PKD1: variants seen among roughly 807,000 people sequenced by gnomAD.
PKD1 encodes polycystin 1, transient receptor potential channel interacting, also known as polycystin-1.
A neutral mutation model predicts 361.7 loss-of-function variants in PKD1; 81 were observed. The observed-to-expected ratio is 0.22, with a 90% CI of 0.19 to 0.27. The LOEUF is 0.27. PKD1 is among the 10% of genes least tolerant of loss of function. PKD1 has a pLI of 1.00. For synonymous variants in PKD1, 3,615 were observed against 2,818.3 expected (o/e 1.28, Z -8.95); for missense variants, 6,399 against 6,118.3 (o/e 1.05, Z -1.53).
At chr16:2,115,737 C>T in intron 9 of PKD1, 112 bp from the exon 10 acceptor site, 1 of 1,115,548 alleles carries the variant, frequency 9.0e-7, no homozygotes, top group Non-Finnish European at 1.3e-6. Flanking sequence ...GGTCTCCCCA[C>T]CTGGGCAGCA....
rs200796474 is a variant in PKD1 at position 2,090,773 on chromosome 16, G to A, written c.12039C>T (p.Ser4013=). ...CTCGGCATAATGTCTTGCCAAAGAC[G>A]GACCACTGGCGCACGAAGCGTAGCT... ...AQQLRFVRQW[S]VFGKTLCRAL... Residue 4013 remains serine, a synonymous_variant, in exon 44 of 46, where the codon TCC becomes TCT. Coordinates refer to ENST00000262304, the MANE Select transcript of PKD1 (RefSeq NM_001009944.3). 2.4e-5 allele frequency: 39 copies of A among 1,612,458 alleles called. No individual in the cohort carries two copies. Among genetic ancestry groups the A allele is most frequent in the Admixed American group, 1.0e-4 (6 of 60,008 alleles).
chr16:2,090,076 G>A lies in PKD1; in HGVS notation c.12563C>T (p.Ser4188Phe), dbSNP rs1193489771. The change falls in exon 46 of 46, where the codon TCC becomes TTC. Residue 4188 changes from serine (S) to phenylalanine (F), a missense_variant. Transcript: ENST00000262304. ...PSAGSDASHP[S>F]TSSSQLDGLS... Reference sequence around the variant, plus strand: ...CCCATCCAGCTGGCTGGAGGAGGTGGAGGGGTGCGAGGCATCGGAGCCAGC... The same window carrying A: ...CCCATCCAGCTGGCTGGAGGAGGTGAAGGGGTGCGAGGCATCGGAGCCAGC... 2.1e-5 allele frequency: 34 copies of A among 1,609,888 alleles called. No homozygotes were observed. The East Asian group carries it at 6.7e-4, about 32-fold the overall frequency.
rs886038370 is a variant in PKD1, at chr16:2,108,948, G to A, written c.6219C>T (p.Thr2073=). ...CGGCCTCAAACTGCGCCGAGCGGTT[G>A]GTGAAGCAGGGGCCGCTCTGCAGGG... ...YVALQSGPCF[T]NRSAQFEAAT... The change falls in exon 15 of 46, where the codon ACC becomes ACT. Residue 2073 remains threonine (T), a synonymous_variant. Coordinates refer to ENST00000262304, the MANE Select transcript of PKD1 (RefSeq NM_001009944.3). The A allele has an allele frequency of 3.1e-6, 5 of 1,606,912 alleles. No individual in the cohort carries two copies. Among genetic ancestry groups the A allele is most frequent in the Non-Finnish European group, 4.2e-6 (5 of 1,178,116 alleles).
rs1164692252 is a variant in PKD1, at chr16:2,109,179, C to T, written c.5988G>A (p.Val1996=). 3 of 1,598,930 alleles carry T rather than the reference C, an allele frequency of 1.9e-6. No homozygotes were observed. Among genetic ancestry groups the T allele is most frequent in the Non-Finnish European group, 2.6e-6 (3 of 1,172,070 alleles). The stretch of plus-strand genomic sequence containing the variant: ...CGTAGGCGACCCGAGAGCCGCGCTG[C>T]ACGCGGGCTGTGAAGTTCCTCTCAG... ...TGTERNFTAR[V]QRGSRVAYAW... Residue 1996 remains valine, a synonymous_variant, in exon 15 of 46, where the codon GTG becomes GTA. Coordinates refer to ENST00000262304, the MANE Select transcript of PKD1 (RefSeq NM_001009944.3).
intron 1 of PKD1, among the ~76,000 whole-genome samples, chr16:2,133,796 C>T (rs1279204865): frequency 6.6e-6 from 1 of 151,456 alleles, no homozygotes; most frequent in East Asian, 1.9e-4. Context: ...CTTGCCAGCT[C>T]AGGCTGGGAC....
intron 1 of PKD1, chr16:2,119,897 G>A (rs1162533640): frequency 8.6e-6 from 6 of 700,474 alleles, no homozygotes; most frequent in Admixed American, 2.0e-5. Context: ...GCGCCACCTC[G>A]AGGCATAAAC....
Position 2,089,602 on chromosome 16 carries a change from C to T in PKD1, c.*125G>A. The T allele has an allele frequency of 2.5e-6, 3 of 1,214,406 alleles. No individual in the cohort carries two copies. The highest frequency in any genetic ancestry group is 3.5e-6 in the Non-Finnish European group (3 of 860,666). The allele number at this position is 1,214,406 out of a possible 1,614,324, so 75.2% of individuals were successfully genotyped here. A position where few individuals can be genotyped will look rare whatever the true frequency, so the allele number is the denominator to read the frequency against. On this transcript the variant is annotated 3_prime_UTR_variant, in exon 46 of 46. Coordinates refer to ENST00000262304, the MANE Select transcript of PKD1 (RefSeq NM_001009944.3). Reference sequence around the variant, plus strand: ...GAAGCCCACAGACAGACAGATGCCCCTGCCTGCTCTCTGGGGAACCTACGT... The same window carrying T: ...GAAGCCCACAGACAGACAGATGCCCTTGCCTGCTCTCTGGGGAACCTACGT...
intron 34 of PKD1, chr16:2,095,542 G>C (rs1026568162): frequency 6.6e-6 from 1 of 152,370 alleles, no homozygotes; most frequent in African/African-American, 2.4e-5. Flanking sequence ...GAGGCATGGA[G>C]TGGCAGGGAA....
At chr16:2,094,630 T>C (rs2091766294) in intron 34 of PKD1, 1 of 259,036 alleles carries the variant, frequency 3.9e-6, no homozygotes, top group South Asian at 4.5e-5. Context: ...TGGCCTAAAA[T>C]TAACTTCTGG....
At chr16:2,120,076 G>C (rs971192891) in intron 1 of PKD1, 3 of 578,872 alleles carry the variant, frequency 5.2e-6, no homozygotes, top group Non-Finnish European at 9.3e-6. Context: ...CAGGCATGGC[G>C]GCATGCGCCT....
chr16:2,097,260 T>C lies in PKD1; in HGVS notation c.10406-19A>G, dbSNP rs927781090. On this transcript the variant is annotated intron_variant, in intron 33 of 45. Coordinates refer to ENST00000262304, the MANE Select transcript of PKD1 (RefSeq NM_001009944.3). Reference sequence around the variant, plus strand: ...TCTTCATCTAGAGGTACAGGAGGCATAGGGTGGGCCCAGCTGCAAGGGTGA... The same window carrying C: ...TCTTCATCTAGAGGTACAGGAGGCACAGGGTGGGCCCAGCTGCAAGGGTGA... 7 of 1,600,718 alleles carry C rather than the reference T, an allele frequency of 4.4e-6. No homozygotes were observed. Among genetic ancestry groups the C allele is most frequent in the African/African-American group, 2.7e-5 (2 of 74,704 alleles).
chr16:2,103,933 G>C, intron 22 of PKD1, 38 bp from the exon 23 acceptor site: 1 of 1,074,280 alleles, frequency 9.3e-7, no homozygotes. Flanking sequence ...AGACAGGGAG[G>C]TAGAGGGAGG....
At chr16:2,101,533 G>A (rs1303583736) in intron 26 of PKD1, among the ~76,000 whole-genome samples, 1 of 152,184 alleles carries the variant, frequency 6.6e-6, no homozygotes, top group Non-Finnish European at 1.5e-5. Context: ...AAGGGGAATG[G>A]CTTAAACCCG....
chr16:2,109,302 G>A lies in PKD1; in HGVS notation c.5865C>T (p.His1955=), dbSNP rs145225830. 107 of 1,584,984 alleles carry A rather than the reference G, an allele frequency of 6.8e-5. No individual in the cohort carries two copies. Among genetic ancestry groups the A allele is most frequent in the South Asian group, 7.8e-5 (7 of 89,842 alleles). The change falls in exon 15 of 46, where the codon CAC becomes CAT. Residue 1955 remains histidine, a synonymous_variant. Transcript: ENST00000262304. ...DHVVSVRGKN[H]VSWAQAQVRI... is the part of the protein sequence containing the mutation. ...GCACCTGCGCCTGGGCCCAGCTCAC[G>A]TGGTTTTTGCCCCGCACGCTCACCA...
chr16:2,133,840 A>C (rs988746539), intron 1 of PKD1, among the ~76,000 whole-genome samples: 7 of 151,242 alleles, frequency 4.6e-5, no homozygotes, highest in East Asian at 1.9e-4. Flanking sequence ...CCTCCTCCAA[A>C]CCCCAGGACC....
At chr16:2,122,878 C>T (rs762517577) in intron 1 of PKD1, among the ~76,000 whole-genome samples, 10 of 152,184 alleles carry the variant, frequency 6.6e-5, no homozygotes, top group Non-Finnish European at 1.5e-4. Context: ...CACAGGCTCT[C>T]GCACCTGCCC....
chr16:2,115,029 C>G, intron 10 of PKD1, 104 bp from the exon 11 acceptor site: 1 of 1,512,980 alleles, frequency 6.6e-7, no homozygotes, highest in Non-Finnish European at 8.8e-7. Context: ...GCTTCGTCAG[C>G]CACACCTCAA....
In PKD1 at chr16:2,102,841, C is replaced by T. The variant is rs369012743; in HGVS notation, c.8921G>A (p.Arg2974Gln). The change falls in exon 24 of 46, where the codon CGG becomes CAG. Residue 2974 changes from arginine (R) to glutamine (Q), a missense_variant. Arg to Gln is a conservative substitution (Grantham distance 43, BLOSUM62 1). Transcript: ENST00000262304. Reference protein sequence around the residue: ...RPESLQGADHRPYTFFISPGS... With the variant: ...RPESLQGADHQPYTFFISPGS... ...CGGGGAAATGAAGAAGGTGTAGGGC[C>T]GGTGGTCAGCACCCTGGAGTGACTC... is the stretch of plus-strand genomic sequence containing the variant. 86 of 1,587,868 alleles carry T rather than the reference C, an allele frequency of 5.4e-5. No homozygotes were observed. The highest frequency in any genetic ancestry group is 6.9e-5 in the Non-Finnish European group (81 of 1,170,608).
At position 2,092,556 on chromosome 16, in the gene PKD1, C is replaced by T; in HGVS notation, c.11193G>A (p.Leu3731=). The T allele has an allele frequency of 6.2e-7, 1 of 1,612,448 alleles. No individual in the cohort carries two copies. The highest frequency in any genetic ancestry group is 1.1e-5 in the South Asian group (1 of 91,016). ...ACTGGTTCCCGTGGACGTAGGGCAG[C>T]AGCACGTGGGCCATCCATGGCCAGA... The part of the protein sequence containing the change: ...EELWPWMAHV[L]LPYVHGNQSS... The change falls in exon 39 of 46, where the codon CTG becomes CTA. Residue 3731 remains leucine (L), a synonymous_variant. Coordinates refer to ENST00000262304, the MANE Select transcript of PKD1 (RefSeq NM_001009944.3).
Sources: allele counts gnomAD v4.1 joint callset (sites outside exome capture counted in the v4.1 genomes callset), GRCh38; gene constraint gnomAD v4.1.1; transcripts MANE v1.5; gene names NCBI Gene and HGNC (gene_info 2026-07-23, HGNC 2026-07-21).